ZNF396: variants seen among roughly 807,000 people sequenced by gnomAD.
ZNF396 encodes zinc finger and SCAN domain-containing protein 14.
Under a neutral mutation model 20.5 loss-of-function variants are expected in ZNF396, and 14 were observed. The observed-to-expected ratio is 0.68, with a 90% confidence interval of 0.45 to 1.07. ZNF396 has a LOEUF of 1.07. Ranked by LOEUF, ZNF396 falls within the 50% of genes least tolerant of loss-of-function variation. The pLI, the probability that ZNF396 is intolerant of heterozygous loss-of-function variation, is 0.00. For missense variants in ZNF396, 347 were observed against 390.1 expected (o/e 0.89, Z 0.93); for synonymous variants, 119 against 140.6 (o/e 0.85, Z 1.08).
chr18:35,376,891 C>A (rs537070433), intron 1 of ZNF396, among the ~76,000 whole-genome samples: 3 of 152,264 alleles, frequency 2.0e-5, no homozygotes, highest in Admixed American at 2.0e-4. Flanking sequence ...GGGGACGCCG[C>A]TCTCGGCTCT....
intron 2 of ZNF396, 61 bp from the exon 3 acceptor site, chr18:35,373,661 AAC>A: frequency 6.3e-7 from 1 of 1,579,564 alleles, no homozygotes; most frequent in South Asian, 1.2e-5. Context: ...AGGATAAAAT[AAC>A]AGAGAAGAAA....
intron 3 of ZNF396, among the ~76,000 whole-genome samples, chr18:35,370,626 C>T (rs1053304121): frequency 1.4e-5 from 2 of 146,094 alleles, no homozygotes; most frequent in Non-Finnish European, 3.0e-5. Flanking sequence ...CATTCTCCTG[C>T]CTCAGTCTCC....
chr18:35,377,277 C>T lies in ZNF396; in HGVS notation c.-73+1G>A, dbSNP rs1256839305. Reference sequence around the variant, plus strand: ...GGCCCTAAAGAGGCCTCGGGTCTCACCTCCCGACGCCGTCGGGGAGAAACC... The same window carrying T: ...GGCCCTAAAGAGGCCTCGGGTCTCATCTCCCGACGCCGTCGGGGAGAAACC... On this transcript the variant is annotated splice_donor_variant, in intron 1 of 3. Transcript: ENST00000589332. LOFTEE classifies it low-confidence loss of function (5UTR_SPLICE). 1 of 151,214 alleles carries T rather than the reference C, an allele frequency of 6.6e-6. No individual in the cohort carries two copies. The highest frequency in any genetic ancestry group is 1.5e-5 in the Non-Finnish European group (1 of 67,600). The allele number at this position is 151,214 out of a possible 1,614,324, so 9.4% of individuals were successfully genotyped here.
intron 3 of ZNF396, chr18:35,371,666 A>AT (rs927660121): frequency 2.0e-5 from 3 of 152,216 alleles, no homozygotes; most frequent in African/African-American, 7.2e-5. Context: ...CAATTAACCC[A>AT]TTAATCCATG....
chr18:35,373,864 C>T lies in ZNF396; in HGVS notation c.417+12G>A. 1.2e-6 allele frequency: 2 copies of T among 1,601,234 alleles called. No homozygotes were observed. Among genetic ancestry groups the T allele is most frequent in the Non-Finnish European group, 1.7e-6 (2 of 1,172,198 alleles). ...CAGCCTGGGGGTTCATCTCCACAGGCATCCTTCTTACCTGCTTTGGTCCAT... is the reference window on the plus strand; with the variant it reads ...CAGCCTGGGGGTTCATCTCCACAGGTATCCTTCTTACCTGCTTTGGTCCAT... On this transcript the variant is annotated intron_variant, in intron 2 of 3. Coordinates refer to ENST00000589332, the MANE Select transcript of ZNF396 (RefSeq NM_001322286.2).
intron 1 of ZNF396, chr18:35,376,272 T>C (rs2045256479): frequency 6.6e-6 from 1 of 152,254 alleles, no homozygotes; most frequent in South Asian, 2.1e-4. Flanking sequence ...AATGATGTGC[T>C]ATGAAACAAA....
chr18:35,374,645 C>T lies in ZNF396; in HGVS notation c.-72-281G>A, dbSNP rs564596489. The T allele has an allele frequency of 8.2e-4, 137 of 166,954 alleles. No homozygotes were observed. The highest frequency in any genetic ancestry group is 3.2e-3 in the Middle Eastern group (1 of 316). The allele number at this position is 166,954 out of a possible 1,614,324, so 10.3% of individuals were successfully genotyped here. Reference sequence around the variant, plus strand: ...CTAAGTAGCTGGGACTACAGGTACCCGCCACCACGCCTGGCTAATTTTTGT... The same window carrying T: ...CTAAGTAGCTGGGACTACAGGTACCTGCCACCACGCCTGGCTAATTTTTGT... On this transcript the variant is annotated intron_variant, in intron 1 of 3. Coordinates refer to ENST00000589332, the MANE Select transcript of ZNF396 (RefSeq NM_001322286.2). This position sits in a 1 kb window ranked among gnomAD's most constrained non-coding sequence, Gnocchi z 4.3.
chr18:35,368,863 C>T lies in ZNF396; in HGVS notation c.*352G>A, dbSNP rs1279735666. The T allele has an allele frequency of 9.8e-7, 1 of 1,019,592 alleles. No individual in the cohort carries two copies. The highest frequency in any genetic ancestry group is 1.7e-5 in the African/African-American group (1 of 58,510). The allele number at this position is 1,019,592 out of a possible 1,614,324, so 63.2% of individuals were successfully genotyped here. A position where few individuals can be genotyped will look rare whatever the true frequency, so the allele number is the denominator to read the frequency against. ...ACTGAGTAACTCACACATTCCTTCT[C>T]AATGAGGGAAAAAACATACTTGTCT... On this transcript the variant is annotated 3_prime_UTR_variant, in exon 4 of 4. Transcript: ENST00000589332.
intron 3 of ZNF396, 96 bp from the exon 4 acceptor site, chr18:35,369,756 A>G (rs533087615): frequency 8.0e-7 from 1 of 1,251,816 alleles, no homozygotes; most frequent in Admixed American, 2.5e-5. Flanking sequence ...ACAACACACA[A>G]TGTGAAGGAC....
chr18:35,369,422 A>C lies in ZNF396; in HGVS notation c.801T>G (p.Ile267Met). Residue 267 changes from isoleucine (I) to methionine (M), a missense_variant, in exon 4 of 4, where the codon ATT becomes ATG. Ile to Met is a conservative substitution (Grantham distance 10). Transcript: ENST00000589332. ...TTCCACTGTGGATTCTCTGATGTAAAATAAGGGCTGAGCTCTGACTAAAGA... is the reference window on the plus strand; with the variant it reads ...TTCCACTGTGGATTCTCTGATGTAACATAAGGGCTGAGCTCTGACTAAAGA... ...GKIFSQSSAL[I>M]LHQRIHSGKK... 1 of 1,614,220 alleles carries C rather than the reference A, an allele frequency of 6.2e-7. No individual in the cohort carries two copies. The highest frequency in any genetic ancestry group is 8.5e-7 in the Non-Finnish European group (1 of 1,180,030).
At chr18:35,376,466 G>A (rs2045258582) in intron 1 of ZNF396, among the ~76,000 whole-genome samples, 3 of 152,208 alleles carry the variant, frequency 2.0e-5, no homozygotes, top group Non-Finnish European at 1.5e-5. Context: ...GCTGGGGTCT[G>A]AACCCAGGCC....
At position 35,367,305 on chromosome 18, in the gene ZNF396, A is replaced by G. The variant is rs2045109654; in HGVS notation, c.*1910T>C. The G allele has an allele frequency of 6.6e-6, 1 of 152,244 alleles. No homozygotes were observed. Among genetic ancestry groups the G allele is most frequent in the Non-Finnish European group, 1.5e-5 (1 of 68,034 alleles). 9.4% of individuals were successfully genotyped at this position (152,244 alleles called of 1,614,324 possible). ...TTCTCCTCCTACTAATCTTACATTT[A>G]TCAGCATACTAACTAAGCAGAGTGT... On this transcript the variant is annotated 3_prime_UTR_variant, in exon 4 of 4. Coordinates refer to ENST00000589332, the MANE Select transcript of ZNF396 (RefSeq NM_001322286.2).
chr18:35,367,226 G>A lies in ZNF396; in HGVS notation c.*1989C>T, dbSNP rs2045109020. On this transcript the variant is annotated 3_prime_UTR_variant, in exon 4 of 4. Coordinates refer to ENST00000589332, the MANE Select transcript of ZNF396 (RefSeq NM_001322286.2). ...CTCAATATAAAATTCATATTCACTA[G>A]AGCTACAAATCATAATCACTATCAG... 2 of 152,052 alleles carry A rather than the reference G, an allele frequency of 1.3e-5. No homozygotes were observed. The highest frequency in any genetic ancestry group is 2.1e-4 in the South Asian group (1 of 4,820). 9.4% of individuals were successfully genotyped at this position (152,052 alleles called of 1,614,324 possible).
At position 35,368,068 on chromosome 18, in the gene ZNF396, C is replaced by A. The variant is rs913176424; in HGVS notation, c.*1147G>T. 5.1e-6 allele frequency: 1 copy of A among 194,842 alleles called. No homozygotes were observed. The highest frequency in any genetic ancestry group is 2.3e-5 in the African/African-American group (1 of 43,036). The allele number at this position is 194,842 out of a possible 1,614,324, so 12.1% of individuals were successfully genotyped here. On this transcript the variant is annotated 3_prime_UTR_variant, in exon 4 of 4. Coordinates refer to ENST00000589332, the MANE Select transcript of ZNF396 (RefSeq NM_001322286.2). ...CTCCGACACACACTGTACTTGACAA[C>A]ACTTGTGGTACATCAGTCTTGTTTG...
At position 35,368,482 on chromosome 18, in the gene ZNF396, T is replaced by TTTTTTTTA. The variant is rs1555630344; in HGVS notation, c.*732_*733insTAAAAAAA. ...AGACAAAATAGGAATTTATTTTTAT[T>TTTTTTTTA]TTTATTTATTTATTTATTTATTTAT... On this transcript the variant is annotated 3_prime_UTR_variant, in exon 4 of 4. Coordinates refer to ENST00000589332, the MANE Select transcript of ZNF396 (RefSeq NM_001322286.2). The TTTTTTTTA allele has an allele frequency of 2.4e-5, 8 of 339,132 alleles. No homozygotes were observed. The highest frequency in any genetic ancestry group is 1.2e-4 in the East Asian group (2 of 16,478). 21.0% of individuals were successfully genotyped at this position (339,132 alleles called of 1,614,324 possible).
At position 35,368,866 on chromosome 18, in the gene ZNF396, T is replaced by A. The variant is rs1449234941; in HGVS notation, c.*349A>T. 13 of 1,022,038 alleles carry A rather than the reference T, an allele frequency of 1.3e-5. No individual in the cohort carries two copies. Among genetic ancestry groups the A allele is most frequent in the Non-Finnish European group, 1.5e-5 (13 of 855,008 alleles). The allele number at this position is 1,022,038 out of a possible 1,614,324, so 63.3% of individuals were successfully genotyped here. ...GAGTAACTCACACATTCCTTCTCAA[T>A]GAGGGAAAAAACATACTTGTCTAAA... is the stretch of plus-strand genomic sequence containing the variant. On this transcript the variant is annotated 3_prime_UTR_variant, in exon 4 of 4. Transcript: ENST00000589332.
At chr18:35,373,098 G>C (rs967672007) in intron 3 of ZNF396, 1 of 278,434 alleles carries the variant, frequency 3.6e-6, no homozygotes, top group Non-Finnish European at 6.6e-6. Context: ...ACCAGTAACT[G>C]AGCAGTTATA....
At chr18:35,372,304 C>T (rs144026238) in intron 3 of ZNF396, 4 of 152,290 alleles carry the variant, frequency 2.6e-5, no homozygotes, top group African/African-American at 9.6e-5. Context: ...AATACTTTTT[C>T]GTGAAAAGAC....
chr18:35,375,367 T>C (rs2045243438), intron 1 of ZNF396, among the ~76,000 whole-genome samples: 1 of 152,010 alleles, frequency 6.6e-6, no homozygotes, highest in Non-Finnish European at 1.5e-5. Flanking sequence ...TTTTTCCATA[T>C]CCATATTACT....
Sources: gnomAD v4.1 joint callset for allele counts (sites outside exome capture counted in the v4.1 genomes callset) on GRCh38, gnomAD v4.1.1 for gene constraint, Gnocchi (gnomAD v3.1) non-coding constraint, MANE v1.5 for transcripts, NCBI Gene and HGNC (gene_info 2026-07-23, HGNC 2026-07-21) for gene names.